The following ZNF254 variants were observed in gnomAD, a reference collection of about 807,000 sequenced individuals.
ZNF254 encodes the protein CTD-2017D11.1.
In ZNF254, 10 loss-of-function variants were observed where a neutral mutation model predicts 12.4. The ratio of observed to expected loss-of-function variants is 0.80; its 90% CI spans 0.50 to 1.36. ZNF254 has a LOEUF of 1.36. Among genes scored for constraint, ZNF254 ranks in the 40% most tolerant of loss-of-function variants. The probability of loss-of-function intolerance (pLI) is 0.00; values close to 1 mark genes in which losing one functional copy is unlikely to be tolerated. For missense variants in ZNF254, 996 were observed against 763.9 expected (o/e 1.30, Z -3.58); for synonymous variants, 305 against 253.4 (o/e 1.20, Z -1.93).
At chr19:24,075,163 G>A (rs1302109828) in intron 2 of ZNF254, among the ~76,000 whole-genome samples, 1 of 152,120 alleles carries the variant, frequency 6.6e-6, no homozygotes, top group African/African-American at 2.4e-5. Flanking sequence ...GCCACAAAGG[G>A]CAATTGCAAC....
At chr19:24,077,680 T>C (rs1471685297) in intron 2 of ZNF254, among the ~76,000 whole-genome samples, 1 of 152,108 alleles carries the variant, frequency 6.6e-6, no homozygotes, top group African/African-American at 2.4e-5. Context: ...TGGCTGTTCA[T>C]TATAGGGTGA....
At chr19:24,074,839 G>C (rs1434447033) in intron 2 of ZNF254, among the ~76,000 whole-genome samples, 3 of 152,180 alleles carry the variant, frequency 2.0e-5, no homozygotes, top group African/African-American at 7.2e-5. Flanking sequence ...CCTACCCACA[G>C]GGGGCATTGT....
chr19:24,054,189 G>A (rs1342946763), intron 2 of ZNF254, among the ~76,000 whole-genome samples: 3 of 152,070 alleles, frequency 2.0e-5, no homozygotes, highest in Admixed American at 6.6e-5. Flanking sequence ...GCTTTCAGGA[G>A]AGAATTGTAA....
chr19:24,100,287 C>G (rs551354081), intron 1 of ZNF254, among the ~76,000 whole-genome samples: 1 of 151,770 alleles, frequency 6.6e-6, no homozygotes, highest in South Asian at 2.1e-4. Flanking sequence ...TTTCCCTTCT[C>G]TCGCTAAAAT....
intron 3 of ZNF254, among the ~76,000 whole-genome samples, chr19:24,122,833 C>T (rs867495996): frequency 1.3e-5 from 2 of 148,488 alleles, no homozygotes; most frequent in Non-Finnish European, 3.0e-5. Flanking sequence ...GTAAATGACT[C>T]CTTATATGAC....
upstream of ZNF254, among the ~76,000 whole-genome samples, chr19:24,084,340 T>C (rs1313455922): frequency 2.6e-5 from 4 of 151,744 alleles, no homozygotes; most frequent in East Asian, 7.8e-4. Context: ...CACTTATAAG[T>C]GGGAACTAAG....
chr19:24,125,027 G>A (rs148285281), intron 3 of ZNF254, among the ~76,000 whole-genome samples: 3 of 151,876 alleles, frequency 2.0e-5, no homozygotes, highest in South Asian at 2.1e-4. Flanking sequence ...TCAGGTGATC[G>A]GCCCACCTTG....
intron 2 of ZNF254, among the ~76,000 whole-genome samples, chr19:24,055,495 T>A (rs2145353873): frequency 6.6e-6 from 1 of 152,030 alleles, no homozygotes; most frequent in East Asian, 2.0e-4. Flanking sequence ...GCCAGGATGG[T>A]CTCAATCTCC....
chr19:24,087,109 A>G (rs774745483), upstream of ZNF254: 20 of 586,280 alleles, frequency 3.4e-5, no homozygotes, highest in Middle Eastern at 3.3e-4. Flanking sequence ...ACGTTATCCA[A>G]CTAGGGACGT....
At chr19:24,058,981 G>A (rs965627826) in intron 2 of ZNF254, among the ~76,000 whole-genome samples, 1 of 152,188 alleles carries the variant, frequency 6.6e-6, no homozygotes, top group Non-Finnish European at 1.5e-5. Flanking sequence ...GTGGCATACT[G>A]CTAGGCCCAG....
intron 3 of ZNF254, among the ~76,000 whole-genome samples, chr19:24,114,816 T>G (rs1299109003): frequency 2.0e-5 from 3 of 149,734 alleles, no homozygotes; most frequent in African/African-American, 7.4e-5. Flanking sequence ...TACAATGAAC[T>G]CAAACAAATT....
At chr19:24,056,020 A>G (rs1216843292) in intron 2 of ZNF254, among the ~76,000 whole-genome samples, 1 of 152,134 alleles carries the variant, frequency 6.6e-6, no homozygotes, top group Admixed American at 6.5e-5. Context: ...AGACCAGCCC[A>G]CAGATGGAAT....
intron 2 of ZNF254, among the ~76,000 whole-genome samples, chr19:24,052,065 C>T (rs1376333213): frequency 6.6e-6 from 1 of 152,132 alleles, no homozygotes; most frequent in Admixed American, 6.5e-5. Context: ...TGCATGGGCC[C>T]TCCACATAAG....
Position 24,127,139 on chromosome 19 carries a change from G to A in ZNF254, c.1139G>A (p.Cys380Tyr), listed in dbSNP as rs1568478597. ...CATACTGGAGAGAAACGCTACAAAT[G>A]CTTAGAATGTGGCAAAGCTTTTAAG... ...IIHTGEKRYKCLECGKAFKQL... is the reference protein window; with the variant it reads ...IIHTGEKRYKYLECGKAFKQL... The change falls in exon 4 of 4, where the codon TGC becomes TAC. Residue 380 changes from cysteine to tyrosine, a missense_variant. By Grantham distance (194) the Cys-to-Tyr change is radical. Transcript: ENST00000357002. 6.2e-7 allele frequency: 1 copy of A among 1,613,448 alleles called. No homozygotes were observed. The highest frequency in any genetic ancestry group is 1.7e-5 in the Admixed American group (1 of 59,906).
At chr19:24,045,506 A>G (rs530663809) in intron 1 of ZNF254, among the ~76,000 whole-genome samples, 1 of 151,918 alleles carries the variant, frequency 6.6e-6, no homozygotes, top group East Asian at 1.9e-4. Context: ...CGTCTCTACT[A>G]AAAATACAAA....
Position 24,126,473 on chromosome 19 carries a change from A to G in ZNF254, c.473A>G (p.Lys158Arg). ...TAQSKVFQCD[K>R]YLKVFYKFLN... ...CAGAGCAAAGTATTTCAATGTGATAAATATTTGAAAGTCTTCTATAAATTT... is the reference window on the plus strand; with the variant it reads ...CAGAGCAAAGTATTTCAATGTGATAGATATTTGAAAGTCTTCTATAAATTT... Residue 158 changes from lysine to arginine, a missense_variant, in exon 4 of 4, where the codon AAA (lysine) becomes AGA (arginine). Transcript: ENST00000357002. 6.3e-7 allele frequency: 1 copy of G among 1,588,784 alleles called. No homozygotes were observed. The highest frequency in any genetic ancestry group is 1.4e-5 in the African/African-American group (1 of 73,430).
chr19:24,036,882 A>C (rs1256174173), intron 1 of ZNF254, among the ~76,000 whole-genome samples: 1 of 152,208 alleles, frequency 6.6e-6, no homozygotes, highest in Non-Finnish European at 1.5e-5. Flanking sequence ...GTGTGGCCAG[A>C]ATCTTCACAA....
At chr19:24,100,546 TA>T (rs2145759926) in intron 1 of ZNF254, among the ~76,000 whole-genome samples, 1 of 152,318 alleles carries the variant, frequency 6.6e-6, no homozygotes, top group South Asian at 2.1e-4. Flanking sequence ...TTGCCACAGG[TA>T]GGTGTAAGTT....
chr19:24,100,611 C>T (rs578045860), intron 1 of ZNF254, among the ~76,000 whole-genome samples: 1 of 151,808 alleles, frequency 6.6e-6, no homozygotes, highest in African/African-American at 2.4e-5. Context: ...CCTTAATGTA[C>T]AGTCAATCAA....
Sources: gnomAD v4.1 joint callset for allele counts (sites outside exome capture counted in the v4.1 genomes callset) on GRCh38, gnomAD v4.1.1 for gene constraint, MANE v1.5 for transcripts, NCBI Gene and HGNC (gene_info 2026-07-23, HGNC 2026-07-21) for gene names.